The following FARS2 variants were observed in gnomAD, a reference collection of about 807,000 sequenced individuals.
FARS2 encodes phenylalanine--tRNA ligase, mitochondrial.
In FARS2, 40 loss-of-function variants were observed where a neutral mutation model predicts 46.4. The observed-to-expected ratio is 0.86, with a 90% CI of 0.67 to 1.12. The LOEUF is 1.12. Ranked by LOEUF, FARS2 falls within the 50% of genes most tolerant of loss-of-function variation. The probability of loss-of-function intolerance (pLI) is 0.00; values close to 1 mark genes in which losing one functional copy is unlikely to be tolerated. For synonymous variants in FARS2, 234 were observed against 214.9 expected, an observed-to-expected ratio of 1.09 and a Z score of -0.78; for missense variants, 513 against 567.9, an observed-to-expected ratio of 0.90 and a Z score of 0.98.
At chr6:5,638,760 G>A (rs1776667270) in intron 6 of FARS2, among the ~76,000 whole-genome samples, 1 of 152,114 alleles carries the variant, frequency 6.6e-6, no homozygotes, top group South Asian at 2.1e-4. Flanking sequence ...TGCTCCTGAC[G>A]ACTGTCTGTG....
chr6:5,610,065 A>ACCACACAGTC, intron 5 of FARS2: 1 of 915,798 alleles, frequency 1.1e-6, no homozygotes, highest in Non-Finnish European at 1.8e-6. Flanking sequence ...GTCTCTCATT[A>ACCACACAGTC]CCACACAGTC....
intron 4 of FARS2, among the ~76,000 whole-genome samples, chr6:5,432,221 C>G (rs1015102269): frequency 3.4e-5 from 5 of 145,708 alleles, no homozygotes; most frequent in African/African-American, 5.1e-5. Flanking sequence ...GAGGCTGAGG[C>G]AGGAGAATCA....
At chr6:5,761,583 G>A (rs893535467) in intron 6 of FARS2, among the ~76,000 whole-genome samples, 1 of 152,194 alleles carries the variant, frequency 6.6e-6, no homozygotes, top group Non-Finnish European at 1.5e-5. Flanking sequence ...CAGAGTTAAA[G>A]TTAGCTCTGT....
intron 5 of FARS2, among the ~76,000 whole-genome samples, chr6:5,554,975 A>ATT (rs1299228044): frequency 6.6e-6 from 1 of 152,088 alleles, no homozygotes; most frequent in Non-Finnish European, 1.5e-5. Context: ...ATTAAATAAT[A>ATT]TGTAATATGG....
intron 4 of FARS2, among the ~76,000 whole-genome samples, chr6:5,482,089 G>A (rs1463719627): frequency 2.6e-5 from 4 of 151,960 alleles, no homozygotes; most frequent in Non-Finnish European, 5.9e-5. Context: ...GTTTTTATTG[G>A]ATAAGTAAAT....
At chr6:5,700,081 G>C (rs1384559936) in intron 6 of FARS2, among the ~76,000 whole-genome samples, 1 of 152,186 alleles carries the variant, frequency 6.6e-6, no homozygotes, top group Non-Finnish European at 1.5e-5. Flanking sequence ...ACCAGGCATT[G>C]TACATGCTGC....
At chr6:5,334,967 C>G (rs1395064885) in intron 1 of FARS2, among the ~76,000 whole-genome samples, 2 of 152,122 alleles carry the variant, frequency 1.3e-5, no homozygotes, top group Middle Eastern at 3.2e-3. Context: ...TTTTGAGAAG[C>G]AAAGCTTTCT....
At chr6:5,453,009 C>T (rs923677863) in intron 4 of FARS2, among the ~76,000 whole-genome samples, 6 of 152,062 alleles carry the variant, frequency 3.9e-5, no homozygotes, top group African/African-American at 1.4e-4. Context: ...GAGTGGAAAC[C>T]GTTCTGTGTA....
At chr6:5,268,079 A>G (rs9392073) in intron 1 of FARS2, among the ~76,000 whole-genome samples, 113,399 of 147,756 alleles carry the variant, frequency 0.77, 43,376 homozygotes, top group African/African-American at 0.84. Context: ...AATTTGTTTA[A>G]GTTCTTTGTA....
intron 4 of FARS2, among the ~76,000 whole-genome samples, chr6:5,520,048 C>A (rs181571489): frequency 6.6e-6 from 1 of 152,260 alleles, no homozygotes; most frequent in East Asian, 1.9e-4. Flanking sequence ...CAATGCTGTG[C>A]TCTTAGCACT....
At chr6:5,253,666 G>A in the FARS2 span, among the ~76,000 whole-genome samples, 29 of 152,108 alleles carry the variant, frequency 1.9e-4, no homozygotes, top group South Asian at 4.2e-3. Flanking sequence ...CCTAGTCGCC[G>A]GCCATTGGAA....
intron 5 of FARS2, among the ~76,000 whole-genome samples, chr6:5,580,191 C>G (rs892615652): frequency 6.8e-6 from 1 of 146,940 alleles, no homozygotes; most frequent in African/African-American, 2.5e-5. Context: ...TCAGGAGGCT[C>G]AAGCAGGAGA....
chr6:5,492,127 A>G (rs1418896960), intron 4 of FARS2, among the ~76,000 whole-genome samples: 4 of 152,246 alleles, frequency 2.6e-5, no homozygotes, highest in Admixed American at 2.6e-4. Context: ...AATGCAATAA[A>G]GAGCACAACA....
chr6:5,455,745 G>A (rs1394110451), intron 4 of FARS2, among the ~76,000 whole-genome samples: 1 of 152,076 alleles, frequency 6.6e-6, no homozygotes, highest in East Asian at 1.9e-4. Flanking sequence ...TCGGAGGCCT[G>A]GACAATAGTT....
intron 1 of FARS2, among the ~76,000 whole-genome samples, chr6:5,308,960 A>G (rs114779052): frequency 0.016 from 2,432 of 152,208 alleles, 14 homozygotes; most frequent in Non-Finnish European, 0.022. Flanking sequence ...AGGCCTTTGT[A>G]ATAAGGGCAC....
chr6:5,641,815 C>T (rs1371831465), intron 6 of FARS2, among the ~76,000 whole-genome samples: 1 of 152,208 alleles, frequency 6.6e-6, no homozygotes, highest in African/African-American at 2.4e-5. Flanking sequence ...TGGGCAAACA[C>T]CTCTAAGATG....
intron 6 of FARS2, among the ~76,000 whole-genome samples, chr6:5,693,759 C>T (rs1381320776): frequency 1.3e-5 from 2 of 152,174 alleles, no homozygotes; most frequent in East Asian, 1.9e-4. Flanking sequence ...GCACTGGACG[C>T]TGGCTGGCTG....
intron 6 of FARS2, among the ~76,000 whole-genome samples, chr6:5,686,324 G>T (rs1487164213): frequency 6.6e-6 from 1 of 150,798 alleles, no homozygotes; most frequent in African/African-American, 2.5e-5. Context: ...TTAACATTAG[G>T]TATATCTCCT....
chr6:5,522,308 G>A (rs1364132782), intron 4 of FARS2, among the ~76,000 whole-genome samples: 2 of 152,196 alleles, frequency 1.3e-5, no homozygotes, highest in African/African-American at 2.4e-5. Flanking sequence ...CTAGCAAGAG[G>A]AAGGTCATGT....
Sources: allele counts gnomAD v4.1 joint callset (sites outside exome capture counted in the v4.1 genomes callset), GRCh38; gene constraint gnomAD v4.1.1; transcripts MANE v1.5; gene names NCBI Gene and HGNC (gene_info 2026-07-23, HGNC 2026-07-21).